The following SHC3 variants were observed in gnomAD, a reference collection of about 807,000 sequenced individuals.
SHC3 encodes SHC adaptor protein 3, also known as SHC-transforming protein 3.
Under a neutral mutation model 60.4 loss-of-function variants are expected in SHC3, and 15 were observed. The ratio of observed to expected loss-of-function variants is 0.25; its 90% CI spans 0.17 to 0.38. SHC3 has a LOEUF of 0.38. SHC3 is among the 10% of genes least tolerant of loss of function. SHC3 has a pLI of 1.00. For missense variants in SHC3, 677 were observed against 786.1 expected (o/e 0.86, Z 1.66); for synonymous variants, 294 against 325.9 (o/e 0.90, Z 1.05).
At chr9:89,150,824 C>T (rs1041849699) in intron 1 of SHC3, among the ~76,000 whole-genome samples, 2 of 152,132 alleles carry the variant, frequency 1.3e-5, no homozygotes, top group African/African-American at 4.8e-5. Flanking sequence ...TTCCCACCAG[C>T]TGTGTATTTT....
intron 1 of SHC3, among the ~76,000 whole-genome samples, chr9:89,160,315 C>G (rs1265607293): frequency 6.6e-6 from 1 of 152,192 alleles, no homozygotes; most frequent in East Asian, 1.9e-4. Context: ...TCTGGATAGT[C>G]CTTCCAGACC....
chr9:89,045,073 T>C (rs567878007), intron 9 of SHC3, among the ~76,000 whole-genome samples: 2 of 151,898 alleles, frequency 1.3e-5, no homozygotes, highest in East Asian at 3.9e-4. Flanking sequence ...CACCTTAGAG[T>C]TGCCTCACCA....
At chr9:89,169,723 T>C (rs866318137) in intron 1 of SHC3, among the ~76,000 whole-genome samples, 1 of 152,198 alleles carries the variant, frequency 6.6e-6, no homozygotes, top group Non-Finnish European at 1.5e-5. Context: ...CAGATGGCAC[T>C]GAGCTGATGG....
chr9:89,093,295 T>C (rs953441037), intron 2 of SHC3, among the ~76,000 whole-genome samples: 1 of 152,184 alleles, frequency 6.6e-6, no homozygotes, highest in African/African-American at 2.4e-5. Context: ...TGGTTCCATT[T>C]ACAGGAAATT....
chr9:89,109,378 C>T, intron 2 of SHC3: 11 of 970,602 alleles, frequency 1.1e-5, no homozygotes, highest in Non-Finnish European at 1.3e-5. Context: ...CACCCAGGCT[C>T]ATGCACACAG....
chr9:89,034,415 T>C (rs1323998940), intron 11 of SHC3, among the ~76,000 whole-genome samples: 2 of 152,190 alleles, frequency 1.3e-5, no homozygotes, highest in Non-Finnish European at 2.9e-5. Flanking sequence ...GTGCAATCAT[T>C]CCTTTTCAGG....
chr9:89,125,477 T>C (rs900214648), intron 1 of SHC3, among the ~76,000 whole-genome samples: 4 of 152,130 alleles, frequency 2.6e-5, no homozygotes, highest in African/African-American at 9.7e-5. Flanking sequence ...CACACCATAT[T>C]GTCAGAGGCG....
chr9:89,136,914 C>A (rs748922065), intron 1 of SHC3, among the ~76,000 whole-genome samples: 1 of 152,082 alleles, frequency 6.6e-6, no homozygotes, highest in African/African-American at 2.4e-5. Flanking sequence ...AATTGACTCA[C>A]AGTTTCACGG....
intron 11 of SHC3, among the ~76,000 whole-genome samples, chr9:89,029,552 A>T (rs117004381): frequency 0.014 from 2,084 of 152,288 alleles, 25 homozygotes; most frequent in Middle Eastern, 0.031. Context: ...GTCTGGTAAA[A>T]AGTGAGTGAA....
intron 1 of SHC3, among the ~76,000 whole-genome samples, chr9:89,117,401 A>T (rs1245850927): frequency 6.6e-6 from 1 of 151,968 alleles, no homozygotes; most frequent in Non-Finnish European, 1.5e-5. Flanking sequence ...TAATAAGGTG[A>T]TTTTTCTCAC....
chr9:89,027,177 T>C (rs1478967505), intron 11 of SHC3, among the ~76,000 whole-genome samples: 2 of 152,216 alleles, frequency 1.3e-5, no homozygotes, highest in East Asian at 1.9e-4. Context: ...GTCCTGGTCA[T>C]TTGTGTATTT....
chr9:89,162,058 G>A (rs2118244037), intron 1 of SHC3, among the ~76,000 whole-genome samples: 1 of 134,318 alleles, frequency 7.4e-6, no homozygotes, highest in Non-Finnish European at 1.6e-5. Flanking sequence ...CCTCTTCAAG[G>A]AGAACTACAA....
chr9:89,045,003 A>C (rs1005673639), intron 9 of SHC3, among the ~76,000 whole-genome samples: 1 of 152,174 alleles, frequency 6.6e-6, no homozygotes, highest in Non-Finnish European at 1.5e-5. Flanking sequence ...AAAGGGAAGG[A>C]GAACGAGACA....
chr9:89,131,988 G>A (rs1281102831), intron 1 of SHC3, among the ~76,000 whole-genome samples: 8 of 152,028 alleles, frequency 5.3e-5, no homozygotes, highest in South Asian at 4.2e-4. Flanking sequence ...TGCAGATGAC[G>A]TGATTGTATA....
chr9:89,171,234 A>ATT lies in SHC3; in HGVS notation c.474+6751_474+6752dup, dbSNP rs5899068. Among the ~76,000 whole-genome samples the ATT allele has an allele frequency of 3.6e-3, 534 of 150,380 alleles. 2 individuals are homozygous for ATT. The highest frequency in any genetic ancestry group is 6.8e-3 in the Middle Eastern group (2 of 292). On this transcript the variant is annotated intron_variant, in intron 1 of 11. Transcript: ENST00000375835. ...TCAACAGAGCTAGAACCATATTTTG[A>ATT]TTTTTTTTTTTTGAAAAAAACAGAA...
Position 89,009,577 on chromosome 9 carries a change from G to A in SHC3, c.*3870C>T, listed in dbSNP as rs1273713367. The A allele has an allele frequency of 6.6e-6, 1 of 152,232 alleles. No individual in the cohort carries two copies. The highest frequency in any genetic ancestry group is 1.5e-5 in the Non-Finnish European group (1 of 68,054). The allele number at this position is 152,232 out of a possible 1,614,324, so 9.4% of individuals were successfully genotyped here. A position where few individuals can be genotyped will look rare whatever the true frequency, so the allele number is the denominator to read the frequency against. The stretch of plus-strand genomic sequence containing the variant: ...CAGCACGCCCTCAAGCTGGGAACAT[G>A]TATAGCCCTGCAGTGTAGAGCACGC... On this transcript the variant is annotated 3_prime_UTR_variant, in exon 12 of 12. Coordinates refer to ENST00000375835, the MANE Select transcript of SHC3 (RefSeq NM_016848.6).
At chr9:89,056,868 G>A (rs1263915961) in intron 6 of SHC3, among the ~76,000 whole-genome samples, 1 of 152,278 alleles carries the variant, frequency 6.6e-6, no homozygotes, top group African/African-American at 2.4e-5. Flanking sequence ...GCGAGACCCT[G>A]CCCAAGCCAA....
At position 89,056,865 on chromosome 9, in the gene SHC3, C is replaced by T. The variant is rs190443543; in HGVS notation, c.836-4702G>A. Among the ~76,000 whole-genome samples the T allele has an allele frequency of 1.6e-3, 244 of 152,378 alleles. 2 individuals are homozygous for T. Among genetic ancestry groups the T allele is most frequent in the African/African-American group, 5.5e-3 (229 of 41,586 alleles). ...GCAAGCTTTGTGTGAACAGCGAGAC[C>T]CTGCCCAAGCCAAGGCAAAAAACTT... On this transcript the variant is annotated intron_variant, in intron 6 of 11. Transcript: ENST00000375835.
At chr9:89,077,687 G>T (rs751650643) in intron 3 of SHC3, among the ~76,000 whole-genome samples, 153 bp downstream of exon 3, 2 of 152,214 alleles carry the variant, frequency 1.3e-5, no homozygotes, top group Non-Finnish European at 2.9e-5. Context: ...ACGTGAGAGA[G>T]AAAGCAATCT....
Sources: allele counts gnomAD v4.1 joint callset (sites outside exome capture counted in the v4.1 genomes callset), GRCh38; gene constraint gnomAD v4.1.1; transcripts MANE v1.5; gene names NCBI Gene and HGNC (gene_info 2026-07-23, HGNC 2026-07-21).